Variants in APOOL observed in about 807,000 individuals in gnomAD.
APOOL encodes apolipoprotein O like.
APOOL carries 12 observed loss-of-function variants against 23.1 expected under a neutral mutation model. The observed-to-expected ratio is 0.52, with a 90% confidence interval of 0.33 to 0.84. The LOEUF (loss-of-function observed/expected upper bound fraction) is 0.84. Among genes scored for constraint, APOOL ranks in the 40% least tolerant of loss-of-function variants. The pLI, the probability that APOOL is intolerant of heterozygous loss-of-function variation, is 0.02. For synonymous variants in APOOL, 77 were observed against 69.9 expected, an observed-to-expected ratio of 1.10 and a Z score of -0.51; for missense variants, 212 against 199.6, an observed-to-expected ratio of 1.06 and a Z score of -0.37.
rs369827344 is a variant in APOOL, at chrX:85,046,485, G to A, written c.55G>A (p.Ala19Thr). 11 of 1,207,663 alleles carry A rather than the reference G, an allele frequency of 9.1e-6. No homozygotes were observed. Among genetic ancestry groups the A allele is most frequent in the African/African-American group, 1.8e-5 (1 of 57,090 alleles). Reference sequence around the variant, plus strand: ...AACCATGCCTGCAGGTCTGATATATGCATCTGTAAGTGTACATGCAGCCAA... The same window carrying A: ...AACCATGCCTGCAGGTCTGATATATACATCTGTAAGTGTACATGCAGCCAA... ...LTTMPAGLIYASVSVHAAKQE... is the reference protein window; with the variant it reads ...LTTMPAGLIYTSVSVHAAKQE... The change falls in exon 2 of 9, where the codon GCA (alanine) becomes ACA (threonine). Residue 19 changes from alanine to threonine, a missense_variant. Transcript: ENST00000373173.
At chrX:85,057,696 T>G (rs1923028303) in intron 5 of APOOL, among the ~76,000 whole-genome samples, 1 of 108,008 alleles carries the variant, frequency 9.3e-6, no homozygotes, top group African/African-American at 3.4e-5. Flanking sequence ...ATGATATATA[T>G]ATATATCTCC....
chrX:85,043,280 G>A lies in APOOL; in HGVS notation c.16-3166G>A, dbSNP rs772100818. On this transcript the variant is annotated intron_variant, in intron 1 of 8. Coordinates refer to ENST00000373173, the MANE Select transcript of APOOL (RefSeq NM_198450.6). ...AAGGTCTTTCCTCTCGTGAAAACTCGATTATCTCTGCTCACTTTTAATGCT... is the reference window on the plus strand; with the variant it reads ...AAGGTCTTTCCTCTCGTGAAAACTCAATTATCTCTGCTCACTTTTAATGCT... Among the ~76,000 whole-genome samples, 238 of 111,400 alleles carry A rather than the reference G, an allele frequency of 2.1e-3. 1 individual carries two copies. The highest frequency in any genetic ancestry group is 4.0e-3 in the Admixed American group (42 of 10,475).
chrX:85,053,092 A>C (rs1326056276), intron 3 of APOOL, among the ~76,000 whole-genome samples: 1 of 111,805 alleles, frequency 8.9e-6, no homozygotes, highest in Non-Finnish European at 1.9e-5. Context: ...TTCCACATTA[A>C]AGCTTGAATC....
intron 3 of APOOL, among the ~76,000 whole-genome samples, chrX:85,052,865 G>T (rs1244942615): frequency 1.8e-5 from 2 of 111,633 alleles, no homozygotes; most frequent in Middle Eastern, 4.6e-3. Flanking sequence ...TTTCTTCAGT[G>T]AGATAAAATG....
chrX:85,020,896 G>A (rs900686389), intron 1 of APOOL, among the ~76,000 whole-genome samples: 4 of 111,861 alleles, frequency 3.6e-5, no homozygotes, highest in African/African-American at 1.3e-4. Context: ...GCCAACATCA[G>A]TAGCTCCAGG....
intron 1 of APOOL, among the ~76,000 whole-genome samples, chrX:85,030,355 A>G (rs1329884678): frequency 9.1e-6 from 1 of 110,040 alleles, no homozygotes; most frequent in East Asian, 2.9e-4. Context: ...GAGAGTCAGA[A>G]TGGGTATACT....
chrX:85,031,453 T>C (rs973712818), intron 1 of APOOL, among the ~76,000 whole-genome samples: 2 of 111,802 alleles, frequency 1.8e-5, no homozygotes, highest in Non-Finnish European at 3.8e-5. Context: ...TTCAAAAAGA[T>C]AAATAATAAT....
At chrX:85,058,606 G>C (rs1054565312) in intron 5 of APOOL, among the ~76,000 whole-genome samples, 4 of 111,317 alleles carry the variant, frequency 3.6e-5, no homozygotes, top group African/African-American at 1.3e-4. Context: ...GGGATTGCTG[G>C]GTCAAATGGT....
intron 1 of APOOL, among the ~76,000 whole-genome samples, chrX:85,012,952 A>G (rs1921340134): frequency 8.9e-6 from 1 of 111,947 alleles, no homozygotes; most frequent in South Asian, 3.7e-4. Flanking sequence ...GATACAGCTT[A>G]GCTGTGAATC....
chrX:85,066,951 T>G (rs1923481280), intron 5 of APOOL, among the ~76,000 whole-genome samples, 176 bp from the exon 6 acceptor site: 1 of 110,847 alleles, frequency 9.0e-6, no homozygotes, highest in African/African-American at 3.3e-5. Flanking sequence ...AAGGGGCTAT[T>G]GGCTTGAGAT....
intron 5 of APOOL, among the ~76,000 whole-genome samples, chrX:85,060,669 G>C (rs1489128764): frequency 9.0e-6 from 1 of 110,925 alleles, no homozygotes; most frequent in African/African-American, 3.3e-5. Context: ...CTCATGATTT[G>C]GCTCTCTGTT....
At chrX:85,006,772 T>C (rs1921095394) in intron 1 of APOOL, among the ~76,000 whole-genome samples, 1 of 111,792 alleles carries the variant, frequency 8.9e-6, no homozygotes, top group Admixed American at 9.5e-5. Context: ...TAGGAATTTA[T>C]ATTAATCACT....
intron 6 of APOOL, among the ~76,000 whole-genome samples, chrX:85,071,685 C>A (rs758805731): frequency 9.0e-5 from 10 of 111,489 alleles, no homozygotes; most frequent in Non-Finnish European, 1.7e-4. Context: ...TTGACTACAT[C>A]AAAATTAATA....
At chrX:85,081,374 C>G (rs1263470210) in intron 8 of APOOL, among the ~76,000 whole-genome samples, 2 of 111,095 alleles carry the variant, frequency 1.8e-5, no homozygotes, top group African/African-American at 6.6e-5. Flanking sequence ...ATATGAAATT[C>G]TGGGTTGGAA....
At chrX:85,031,163 A>G (rs781222542) in intron 1 of APOOL, among the ~76,000 whole-genome samples, 12 of 111,912 alleles carry the variant, frequency 1.1e-4, no homozygotes, top group African/African-American at 3.2e-4. Context: ...AACTTTCATT[A>G]GATTTTCAAA....
At chrX:85,070,819 C>CAA (rs58312082) in intron 6 of APOOL, among the ~76,000 whole-genome samples, 38 of 86,757 alleles carry the variant, frequency 4.4e-4, no homozygotes, top group Non-Finnish European at 7.6e-4. Flanking sequence ...CGTATATGTC[C>CAA]AAAAAAAAAA....
chrX:85,079,408 G>T (rs1281966638), intron 8 of APOOL, among the ~76,000 whole-genome samples: 4 of 111,746 alleles, frequency 3.6e-5, no homozygotes, highest in Non-Finnish European at 7.5e-5. Flanking sequence ...ATTTGTGTAT[G>T]TTGAACCAGC....
intron 1 of APOOL, among the ~76,000 whole-genome samples, chrX:85,035,990 A>G (rs1922203715): frequency 8.9e-6 from 1 of 112,145 alleles, no homozygotes; most frequent in South Asian, 3.7e-4. Flanking sequence ...TTAATTTTAG[A>G]ATAGTTGTTT....
chrX:85,092,107 T>G lies in APOOL; in HGVS notation c.*4429T>G, dbSNP rs1285824528. On this transcript the variant is annotated 3_prime_UTR_variant, in exon 9 of 9. Transcript: ENST00000373173. Reference sequence around the variant, plus strand: ...TCAAATTGTGAAAAGCACCTTAATTTTGATGAAATATGATAGGTAAAAAAT... The same window carrying G: ...TCAAATTGTGAAAAGCACCTTAATTGTGATGAAATATGATAGGTAAAAAAT... 4.3e-6 allele frequency: 1 copy of G among 231,476 alleles called. No homozygotes were observed. The highest frequency in any genetic ancestry group is 7.7e-6 in the Non-Finnish European group (1 of 129,438). The allele number at this position is 231,476 out of a possible 1,213,427, so 19.1% of individuals were successfully genotyped here.
Sources: gnomAD v4.1 joint callset for allele counts (sites outside exome capture counted in the v4.1 genomes callset) on GRCh38, gnomAD v4.1.1 for gene constraint, MANE v1.5 for transcripts, NCBI Gene and HGNC (gene_info 2026-07-23, HGNC 2026-07-21) for gene names.